The following SHROOM4 variants were observed in gnomAD, a reference collection of about 807,000 sequenced individuals.
The protein encoded by SHROOM4 is protein Shroom4.
SHROOM4 carries 17 observed loss-of-function variants against 80.3 expected under a neutral mutation model. The ratio of observed to expected loss-of-function variants is 0.21; its 90% CI spans 0.14 to 0.32. The LOEUF (loss-of-function observed/expected upper bound fraction) is 0.32, where lower values mean the gene tolerates loss of function less well. Among genes scored for constraint, SHROOM4 ranks in the 10% least tolerant of loss-of-function variants. The probability of loss-of-function intolerance (pLI) is 1.00; values close to 1 mark genes in which losing one functional copy is unlikely to be tolerated. For missense variants in SHROOM4, 993 were observed against 1,140.3 expected (o/e 0.87, Z 1.86); for synonymous variants, 400 against 437.5 (o/e 0.91, Z 1.07).
intron 2 of SHROOM4, among the ~76,000 whole-genome samples, chrX:50,645,549 G>A (rs1931798626): frequency 8.9e-6 from 1 of 111,974 alleles, no homozygotes; most frequent in African/African-American, 3.2e-5. Context: ...AGGGTGCGAA[G>A]ATGAGAGTTG....
intron 1 of SHROOM4, among the ~76,000 whole-genome samples, chrX:50,736,779 C>G (rs781835489): frequency 1.0e-3 from 114 of 112,039 alleles, no homozygotes; most frequent in Admixed American, 3.6e-3. Context: ...ATTGCTGGGT[C>G]AAATGGTACT....
chrX:50,689,831 C>T (rs1277785779), intron 2 of SHROOM4, among the ~76,000 whole-genome samples: 2 of 111,952 alleles, frequency 1.8e-5, no homozygotes, highest in South Asian at 3.7e-4. Flanking sequence ...CTGTCCTATA[C>T]TATTGAATTA....
At chrX:50,747,563 T>C (rs1317539448) in intron 1 of SHROOM4, among the ~76,000 whole-genome samples, 2 of 112,202 alleles carry the variant, frequency 1.8e-5, no homozygotes, top group Admixed American at 9.4e-5. Context: ...TCTAACTCAG[T>C]TATGCTGTGT....
intron 2 of SHROOM4, among the ~76,000 whole-genome samples, chrX:50,682,038 T>C (rs1356196611): frequency 2.7e-5 from 3 of 112,120 alleles, no homozygotes; most frequent in African/African-American, 9.7e-5. Flanking sequence ...CCAAGAACCA[T>C]AGTTACAACT....
intron 2 of SHROOM4, among the ~76,000 whole-genome samples, chrX:50,651,321 A>G (rs1011304731): frequency 8.9e-6 from 1 of 112,201 alleles, no homozygotes; most frequent in African/African-American, 3.2e-5. Flanking sequence ...ACACCATTCC[A>G]TTTCATTCTC....
At chrX:50,598,712 C>G (rs1929244265) in intron 7 of SHROOM4, among the ~76,000 whole-genome samples, 177 bp from the exon 8 acceptor site, 1 of 112,068 alleles carries the variant, frequency 8.9e-6, no homozygotes, top group South Asian at 3.7e-4. Flanking sequence ...GGGCAAGCAC[C>G]TTCTATCCGT....
downstream of SHROOM4, among the ~76,000 whole-genome samples, chrX:50,586,007 T>C (rs1455044072): frequency 1.8e-5 from 2 of 111,841 alleles, no homozygotes; most frequent in Non-Finnish European, 3.8e-5. Context: ...CTCATTACTC[T>C]TTTCTATCTG....
At chrX:50,796,512 A>G (rs1291096741) in intron 1 of SHROOM4, among the ~76,000 whole-genome samples, 1 of 111,534 alleles carries the variant, frequency 9.0e-6, no homozygotes, top group Non-Finnish European at 1.9e-5. Context: ...GTTCTGGTCT[A>G]GAATGTCGGA....
intron 1 of SHROOM4, among the ~76,000 whole-genome samples, chrX:50,755,548 G>A (rs1316238229): frequency 2.7e-5 from 3 of 112,081 alleles, no homozygotes; most frequent in Non-Finnish European, 3.8e-5. Context: ...GACACGACAA[G>A]TATCATCACA....
In SHROOM4 at chrX:50,587,513, A is replaced by T. The variant is rs1233387993; in HGVS notation, c.*9182T>A. 1.8e-5 allele frequency among the ~76,000 whole-genome samples: 2 copies of T among 112,447 alleles called. No homozygotes were observed. Among genetic ancestry groups the T allele is most frequent in the African/African-American group, 6.5e-5 (2 of 30,951 alleles). On this transcript the variant is annotated 3_prime_UTR_variant, in exon 9 of 9. Transcript: ENST00000376020. ...AGTTACTGCAGTAGCAAAGAGATTCATGAGTTTAGCCTATTGCACATAGCT... is the reference window on the plus strand; with the variant it reads ...AGTTACTGCAGTAGCAAAGAGATTCTTGAGTTTAGCCTATTGCACATAGCT...
chrX:50,611,171 C>T (rs1443028141), intron 5 of SHROOM4, among the ~76,000 whole-genome samples: 1 of 33,009 alleles, frequency 3.0e-5, no homozygotes, highest in Non-Finnish European at 5.0e-5. Context: ...TTTTTTGAGA[C>T]GGAGTCTCGC....
At chrX:50,730,389 T>C (rs187942444) in intron 1 of SHROOM4, among the ~76,000 whole-genome samples, 1 of 109,645 alleles carries the variant, frequency 9.1e-6, no homozygotes, top group Non-Finnish European at 1.9e-5. Flanking sequence ...ATCGCCCCAT[T>C]ACACTCCAGC....
At chrX:50,726,959 C>G (rs962912395) in intron 1 of SHROOM4, among the ~76,000 whole-genome samples, 3 of 112,956 alleles carry the variant, frequency 2.7e-5, no homozygotes, top group African/African-American at 9.6e-5. Context: ...GGAAAAGCCA[C>G]AGGCATTCAA....
chrX:50,675,764 A>T (rs1932846983), intron 2 of SHROOM4, among the ~76,000 whole-genome samples: 1 of 111,505 alleles, frequency 9.0e-6, no homozygotes, highest in South Asian at 3.8e-4. Context: ...GAGACAAAAA[A>T]AAATTGATAG....
chrX:50,660,885 G>A (rs924202796), intron 2 of SHROOM4, among the ~76,000 whole-genome samples: 7 of 109,523 alleles, frequency 6.4e-5, no homozygotes, highest in African/African-American at 2.3e-4. Context: ...CCAAAATGTT[G>A]GAATTACAGG....
At chrX:50,656,050 A>T (rs1266291362) in intron 2 of SHROOM4, among the ~76,000 whole-genome samples, 2 of 111,770 alleles carry the variant, frequency 1.8e-5, no homozygotes, top group Admixed American at 1.9e-4. Context: ...GACCATTTAT[A>T]TATCTTCTTT....
chrX:50,635,005 C>A lies in SHROOM4; in HGVS notation c.1068G>T (p.Glu356Asp), dbSNP rs143163333. The A allele has an allele frequency of 3.5e-4, 422 of 1,210,818 alleles. No individual in the cohort carries two copies. The highest frequency in any genetic ancestry group is 4.6e-4 in the Middle Eastern group (2 of 4,375). Residue 356 changes from glutamate to aspartate, a missense_variant, in exon 4 of 9, where the codon GAG becomes GAT. Physicochemically the swap from Glu to Asp is conservative, Grantham distance 45. Transcript: ENST00000376020. ...QPPESSQQGS[E>D]HLLMQASTKA... ...TGGTTGAGGCCTGCATCAGTAGATG[C>A]TCAGAGCCCTGTTGGCTGGATTCAG...
intron 1 of SHROOM4, among the ~76,000 whole-genome samples, chrX:50,702,955 TA>T (rs1440025506): frequency 9.0e-6 from 1 of 111,475 alleles, no homozygotes; most frequent in Non-Finnish European, 1.9e-5. Context: ...CTATTCAGCT[TA>T]TATTTCTGAG....
downstream of SHROOM4, among the ~76,000 whole-genome samples, chrX:50,585,095 A>T: frequency 9.0e-6 from 1 of 111,269 alleles, no homozygotes; most frequent in Non-Finnish European, 1.9e-5. Context: ...AGAAATATGA[A>T]GCCCACAGCA....
Sources: allele counts gnomAD v4.1 joint callset (sites outside exome capture counted in the v4.1 genomes callset), GRCh38; gene constraint gnomAD v4.1.1; transcripts MANE v1.5; gene names NCBI Gene and HGNC (gene_info 2026-07-23, HGNC 2026-07-21).